The following ZC3H12B variants were observed in gnomAD, a reference collection of about 807,000 sequenced individuals.
ZC3H12B encodes the protein zinc finger CCCH-type containing 12B, also known as probable ribonuclease ZC3H12B.
In ZC3H12B, 7 loss-of-function variants were observed where a neutral mutation model predicts 43.9. That is an observed-to-expected ratio of 0.16 (90% confidence interval 0.09 to 0.30). The LOEUF is 0.30. ZC3H12B is among the 10% of genes least tolerant of loss of function. The pLI is 1.00. For synonymous variants in ZC3H12B, 222 were observed against 241.7 expected (o/e 0.92, Z 0.76); for missense variants, 475 against 670.2 (o/e 0.71, Z 3.22).
At chrX:65,073,269 A>C in the ZC3H12B span, among the ~76,000 whole-genome samples, 2 of 112,759 alleles carry the variant, frequency 1.8e-5, no homozygotes, top group Non-Finnish European at 3.8e-5. Flanking sequence ...GCATAGTGGC[A>C]AAGCAATGTT....
intron 3 of ZC3H12B, among the ~76,000 whole-genome samples, chrX:65,474,190 C>A (rs918450134): frequency 9.0e-6 from 1 of 111,694 alleles, no homozygotes; most frequent in Non-Finnish European, 1.9e-5. Context: ...TATCTTCTTG[C>A]TGAATTGACC....
At chrX:65,273,284 C>G in the ZC3H12B span, among the ~76,000 whole-genome samples, 1 of 111,582 alleles carries the variant, frequency 9.0e-6, no homozygotes, top group East Asian at 2.8e-4. Flanking sequence ...AGATAGACAT[C>G]TGGGAGCTGA....
chrX:65,169,489 G>T, the ZC3H12B span, among the ~76,000 whole-genome samples: 1 of 112,049 alleles, frequency 8.9e-6, no homozygotes, highest in Non-Finnish European at 1.9e-5. Flanking sequence ...GCAATATGGT[G>T]CTGAGAAGAA....
chrX:65,102,960 G>T, the ZC3H12B span, among the ~76,000 whole-genome samples: 1 of 111,407 alleles, frequency 9.0e-6, no homozygotes, highest in Non-Finnish European at 1.9e-5. Context: ...ATATCACAAG[G>T]CAGATGGGGG....
chrX:65,132,159 G>A, the ZC3H12B span, among the ~76,000 whole-genome samples: 1 of 111,293 alleles, frequency 9.0e-6, no homozygotes. Context: ...ATAGTGAGTT[G>A]TGGAGGAAGG....
chrX:65,112,790 T>C, the ZC3H12B span, among the ~76,000 whole-genome samples: 2 of 111,839 alleles, frequency 1.8e-5, no homozygotes, highest in Non-Finnish European at 3.8e-5. Context: ...CTGATGGAGA[T>C]GTACAAACAG....
chrX:65,146,818 G>A, the ZC3H12B span, among the ~76,000 whole-genome samples: 1 of 111,754 alleles, frequency 8.9e-6, no homozygotes, highest in African/African-American at 3.3e-5. Flanking sequence ...TGAACCATCT[G>A]TGAGTCTGTC....
At chrX:65,218,266 T>C in the ZC3H12B span, among the ~76,000 whole-genome samples, 10 of 112,032 alleles carry the variant, frequency 8.9e-5, no homozygotes, top group Non-Finnish European at 3.8e-5. Context: ...CATGAACTTT[T>C]GCTCCAAGAA....
At chrX:65,175,744 A>T in the ZC3H12B span, among the ~76,000 whole-genome samples, 1 of 111,464 alleles carries the variant, frequency 9.0e-6, no homozygotes, top group Non-Finnish European at 1.9e-5. Context: ...CCAAAAACTC[A>T]TGAAGCACGG....
chrX:65,133,409 G>A, the ZC3H12B span, among the ~76,000 whole-genome samples: 15,527 of 109,098 alleles, frequency 0.14, 2,793 homozygotes, highest in African/African-American at 0.49. Context: ...TCTGGGTCTA[G>A]GGTGGTAAAG....
At chrX:65,255,839 A>G in the ZC3H12B span, among the ~76,000 whole-genome samples, 1 of 112,495 alleles carries the variant, frequency 8.9e-6, no homozygotes, top group Non-Finnish European at 1.9e-5. Context: ...AAGGATGGAG[A>G]AAAATCTATG....
At chrX:65,113,371 T>C in the ZC3H12B span, among the ~76,000 whole-genome samples, 1 of 111,001 alleles carries the variant, frequency 9.0e-6, no homozygotes, top group African/African-American at 3.3e-5. Flanking sequence ...TTGAGAGGAT[T>C]GACTCCAGTT....
At chrX:65,161,185 G>T in the ZC3H12B span, among the ~76,000 whole-genome samples, 1 of 111,097 alleles carries the variant, frequency 9.0e-6, no homozygotes. Flanking sequence ...TTCCAACTAT[G>T]TGGTCAATTT....
the ZC3H12B span, among the ~76,000 whole-genome samples, chrX:65,342,063 G>C: frequency 2.7e-5 from 3 of 110,912 alleles, no homozygotes. Context: ...TAAAGGTATA[G>C]AGAAAGATCT....
the ZC3H12B span, among the ~76,000 whole-genome samples, chrX:65,350,476 G>A: frequency 9.0e-6 from 1 of 111,491 alleles, no homozygotes; most frequent in Non-Finnish European, 1.9e-5. Context: ...GGTCTGGCCA[G>A]GGCAATCAGG....
the ZC3H12B span, among the ~76,000 whole-genome samples, chrX:65,188,592 C>T: frequency 9.1e-6 from 1 of 110,266 alleles, no homozygotes; most frequent in Non-Finnish European, 1.9e-5. Flanking sequence ...TTTTCATATG[C>T]CTGTTTGCCA....
the ZC3H12B span, among the ~76,000 whole-genome samples, chrX:65,184,067 A>G: frequency 9.0e-6 from 1 of 111,238 alleles, no homozygotes; most frequent in Non-Finnish European, 1.9e-5. Flanking sequence ...TCCTATTGAT[A>G]TTATATATGT....
the ZC3H12B span, among the ~76,000 whole-genome samples, chrX:65,211,498 C>A: frequency 9.4e-6 from 1 of 105,858 alleles, no homozygotes; most frequent in African/African-American, 3.4e-5. Context: ...ACAACCTTAT[C>A]AGTTAGGTGG....
the ZC3H12B span, among the ~76,000 whole-genome samples, chrX:65,314,274 C>T: frequency 9.1e-6 from 1 of 110,478 alleles, no homozygotes; most frequent in Non-Finnish European, 1.9e-5. Flanking sequence ...TGAAATTTAC[C>T]CCAAATTGGT....
Sources: gnomAD v4.1 joint callset for allele counts (sites outside exome capture counted in the v4.1 genomes callset) on GRCh38, gnomAD v4.1.1 for gene constraint, MANE v1.5 for transcripts, NCBI Gene and HGNC (gene_info 2026-07-23, HGNC 2026-07-21) for gene names.